Variants in COL18A1 observed in about 807,000 individuals in gnomAD.
COL18A1 encodes collagen type XVIII alpha 1 chain, also known as collagen alpha-1(XVIII) chain.
A neutral mutation model predicts 168.0 loss-of-function variants in COL18A1; 133 were observed. That is an observed-to-expected ratio of 0.79 (90% CI 0.69 to 0.91). The LOEUF is 0.91. COL18A1 is among the 40% of genes least tolerant of loss of function. COL18A1 has a pLI of 0.00. For missense variants in COL18A1, 2,126 were observed against 1,925.4 expected (o/e 1.10, Z -1.95); for synonymous variants, 949 against 809.0 (o/e 1.17, Z -2.94).
At chr21:45,511,039 C>G in intron 40 of COL18A1, 72 bp from the exon 41 acceptor site, 1 of 383,778 alleles carries the variant, frequency 2.6e-6, no homozygotes, top group Admixed American at 3.2e-5. Flanking sequence ...CATCCACACA[C>G]CCCCCCACAA....
In COL18A1 at chr21:45,490,927, G is replaced by T. The variant is rs1049927559; in HGVS notation, c.2067+56G>T. 1.5e-5 allele frequency: 22 copies of T among 1,514,830 alleles called. No individual in the cohort carries two copies. In the African/African-American group the frequency reaches 2.9e-4, roughly 20 times the overall value. 93.8% of individuals were successfully genotyped at this position (1,514,830 alleles called of 1,614,324 possible). A position where few individuals can be genotyped will look rare whatever the true frequency, so the allele number is the denominator to read the frequency against. ...TGGGGGGCGCTGGGACATCCCAGAAGGTTTGGCCTCAGCTGCCCCAGGTCC... is the reference window on the plus strand; with the variant it reads ...TGGGGGGCGCTGGGACATCCCAGAATGTTTGGCCTCAGCTGCCCCAGGTCC... On this transcript the variant is annotated intron_variant, in intron 21 of 41. Coordinates refer to ENST00000651438, the MANE Select transcript of COL18A1 (RefSeq NM_001379500.1).
intron 2 of COL18A1, among the ~76,000 whole-genome samples, chr21:45,418,749 C>T (rs1002730906): frequency 1.3e-5 from 2 of 152,210 alleles, no homozygotes; most frequent in Non-Finnish European, 2.9e-5. Context: ...GGCAGCGGCA[C>T]CTCCTCAGGG....
chr21:45,486,812 C>G (rs1420865747), intron 15 of COL18A1, 49 bp from the exon 16 acceptor site: 1 of 1,523,818 alleles, frequency 6.6e-7, no homozygotes, highest in Non-Finnish European at 8.8e-7. Flanking sequence ...GGTTGCAGGG[C>G]CAGCGGGGGC....
At chr21:45,419,178 C>T (rs756180768) in intron 2 of COL18A1, among the ~76,000 whole-genome samples, 53 of 152,166 alleles carry the variant, frequency 3.5e-4, no homozygotes, top group Non-Finnish European at 7.3e-4. Context: ...CATGTAGTGA[C>T]GTGATTCCGT....
intron 22 of COL18A1, 106 bp from the exon 23 acceptor site, chr21:45,492,429 C>T: frequency 7.1e-7 from 1 of 1,399,200 alleles, no homozygotes; most frequent in East Asian, 2.3e-5. Flanking sequence ...CAACATTTTC[C>T]TTGAATTTCC....
rs59084833 is a variant in COL18A1, at chr21:45,475,875, ACG to A, written c.798+343_798+344del. The stretch of plus-strand genomic sequence containing the variant: ...CTCGTGCGTGGCCATCAGGGAATGA[ACG>A]CGTGTGTGAGCCTGACGACCAGGAG... On this transcript the variant is annotated intron_variant, in intron 5 of 41. Transcript: ENST00000651438. Among the ~76,000 whole-genome samples the A allele has an allele frequency of 4.4e-3, 670 of 152,336 alleles. 9 individuals are homozygous for A. Among genetic ancestry groups the A allele is most frequent in the African/African-American group, 0.016 (648 of 41,588 alleles).
rs187327859 is a variant in COL18A1 at position 45,477,355 on chromosome 21, C to T, written c.929-56C>T. 416 of 1,469,416 alleles carry T rather than the reference C, an allele frequency of 2.8e-4. 3 individuals carry two copies. In the East Asian group the frequency reaches 9.7e-3, roughly 34 times the overall value. The allele number at this position is 1,469,416 out of a possible 1,614,324, so 91.0% of individuals were successfully genotyped here. A position where few individuals can be genotyped will look rare whatever the true frequency, so the allele number is the denominator to read the frequency against. On this transcript the variant is annotated intron_variant, in intron 6 of 41. Transcript: ENST00000651438. ...CCGGGGCCGTCTGGGGTGCCGAGAG[C>T]AGAGCTGGGGCCACCCGGGGGGCGT... is the stretch of plus-strand genomic sequence containing the variant.
intron 37 of COL18A1, 179 bp downstream of exon 37, chr21:45,506,145 GT>G: frequency 4.3e-6 from 4 of 939,582 alleles, no homozygotes; most frequent in Non-Finnish European, 6.4e-6. Flanking sequence ...GCAGTTTTGG[GT>G]TTAAAGAAAA....
chr21:45,504,446 C>A lies in COL18A1; in HGVS notation c.2758C>A (p.Gln920Lys). 1 of 1,611,568 alleles carries A rather than the reference C, an allele frequency of 6.2e-7. No individual in the cohort carries two copies. The highest frequency in any genetic ancestry group is 1.7e-5 in the Admixed American group (1 of 59,960). ...GEKGDRGDAGQKGERGEPGGG... is the reference protein window; with the variant it reads ...GEKGDRGDAGKKGERGEPGGG... Reference sequence around the variant, plus strand: ...GAAGGGAGACCGAGGTGATGCAGGACAGAAAGGCGAAAGGGGGGAGCCCGG... The same window carrying A: ...GAAGGGAGACCGAGGTGATGCAGGAAAGAAAGGCGAAAGGGGGGAGCCCGG... The change falls in exon 34 of 42, where the codon CAG (glutamine) becomes AAG (lysine). Residue 920 changes from glutamine to lysine, a missense_variant. Physicochemically the swap from Gln to Lys is moderately conservative, Grantham distance 53 (BLOSUM62 1). Transcript: ENST00000651438.
chr21:45,472,584 C>T (rs2035479408), intron 3 of COL18A1, among the ~76,000 whole-genome samples: 1 of 152,124 alleles, frequency 6.6e-6, no homozygotes, highest in African/African-American at 2.4e-5. Flanking sequence ...TGTGAAGGCT[C>T]AGCTGCTGGG....
intron 2 of COL18A1, chr21:45,419,791 A>G (rs2033562515): frequency 6.6e-6 from 1 of 152,216 alleles, no homozygotes; most frequent in African/African-American, 2.4e-5. Flanking sequence ...GGCCCCAGCC[A>G]GTACAGCGCT....
chr21:45,422,273 T>G, intron 2 of COL18A1: 1 of 337,434 alleles, frequency 3.0e-6, no homozygotes, highest in Non-Finnish European at 6.1e-6. Context: ...GCACACCCGC[T>G]TGCTCTCTGT....
Position 45,477,955 on chromosome 21 carries a change from AC to A in COL18A1, c.1212del (p.Asp404GlufsTer28). 1 of 1,526,320 alleles carries A rather than the reference AC, an allele frequency of 6.6e-7. No individual in the cohort carries two copies. The allele number at this position is 1,526,320 out of a possible 1,614,324, so 94.5% of individuals were successfully genotyped here. Reference protein sequence around the residue: ...PPGRDGTPGRDGEPGDPGEDG... With the variant: ...PPGRDGTPGRXGEPGDPGEDG... ...GGGAGGGACGGCACCCCTGGAAGGG[AC>A]GGCGAGCCGGTGAGTCCTCACGTCC... On this transcript the variant is annotated frameshift_variant, in exon 8 of 42. Transcript: ENST00000651438. LOFTEE classifies it high-confidence loss of function.
chr21:45,441,697 C>G (rs567663038), intron 2 of COL18A1, among the ~76,000 whole-genome samples: 1 of 152,374 alleles, frequency 6.6e-6, no homozygotes, highest in African/African-American at 2.4e-5. Flanking sequence ...TTCACGCCAA[C>G]AGGTCTCCTC....
intron 20 of COL18A1, among the ~76,000 whole-genome samples, 178 bp downstream of exon 20, chr21:45,490,524 C>G (rs1388495819): frequency 1.3e-3 from 144 of 107,256 alleles, no homozygotes; most frequent in African/African-American, 4.6e-3. Flanking sequence ...GTGCCCACTC[C>G]CGGGTCTCTG....
chr21:45,466,066 GT>G (rs1465273245), intron 2 of COL18A1, among the ~76,000 whole-genome samples: 1 of 152,188 alleles, frequency 6.6e-6, no homozygotes, highest in Non-Finnish European at 1.5e-5. Context: ...CCGTGTCAGG[GT>G]GAGGCTGGGA....
chr21:45,409,296 G>C (rs2033218324), intron 2 of COL18A1, among the ~76,000 whole-genome samples: 2 of 152,250 alleles, frequency 1.3e-5, no homozygotes, highest in African/African-American at 2.4e-5. Context: ...GTATGGTGCT[G>C]TGCAGGGCAG....
intron 37 of COL18A1, chr21:45,506,335 A>G (rs1176881924): frequency 2.8e-6 from 1 of 360,674 alleles, no homozygotes; most frequent in Non-Finnish European, 5.4e-6. Context: ...CGTGACGTCC[A>G]CAGCACGGCC....
intron 2 of COL18A1, among the ~76,000 whole-genome samples, chr21:45,441,425 C>G (rs1191732271): frequency 6.6e-6 from 1 of 152,210 alleles, no homozygotes; most frequent in South Asian, 2.1e-4. Flanking sequence ...CCCCCACATG[C>G]CCATCCCAGG....
Sources: allele counts gnomAD v4.1 joint callset (sites outside exome capture counted in the v4.1 genomes callset), GRCh38; gene constraint gnomAD v4.1.1; transcripts MANE v1.5; gene names NCBI Gene and HGNC (gene_info 2026-07-23, HGNC 2026-07-21).